RDH14: variants seen among roughly 807,000 people sequenced by gnomAD.
RDH14 encodes the protein retinol dehydrogenase 14, also known as alcohol dehydrogenase PAN2.
Under a neutral mutation model 19.3 loss-of-function variants are expected in RDH14, and 17 were observed. The ratio of observed to expected loss-of-function variants is 0.88; its 90% confidence interval spans 0.60 to 1.32. The LOEUF (loss-of-function observed/expected upper bound fraction) is 1.32, where lower values mean the gene tolerates loss of function less well. RDH14 is among the 40% of genes most tolerant of loss of function. The pLI is 0.00. For missense variants in RDH14, 534 were observed against 449.2 expected, an observed-to-expected ratio of 1.19 and a Z score of -1.71; for synonymous variants, 215 against 188.9, an observed-to-expected ratio of 1.14 and a Z score of -1.13.
chr2:18,555,078 A>C lies in RDH14; in HGVS notation c.*113T>G. 2 of 1,476,508 alleles carry C rather than the reference A, an allele frequency of 1.4e-6. No individual in the cohort carries two copies. Among genetic ancestry groups the C allele is most frequent in the Non-Finnish European group, 1.8e-6 (2 of 1,105,756 alleles). The allele number at this position is 1,476,508 out of a possible 1,614,324, so 91.5% of individuals were successfully genotyped here. On this transcript the variant is annotated 3_prime_UTR_variant, in exon 2 of 2. Transcript: ENST00000381249. ...ACCCACATGTACCTCTTAGCAGGCT[A>C]TTCCAATATCAAAATTCTTTTTCTT...
Position 18,560,423 on chromosome 2 carries a change from C to T in RDH14, c.150G>A (p.Gly50=). 1.3e-6 allele frequency: 2 copies of T among 1,504,612 alleles called. No homozygotes were observed. Among genetic ancestry groups the T allele is most frequent in the Non-Finnish European group, 1.8e-6 (2 of 1,135,702 alleles). 93.2% of individuals were successfully genotyped at this position (1,504,612 alleles called of 1,614,324 possible). A position where few individuals can be genotyped will look rare whatever the true frequency, so the allele number is the denominator to read the frequency against. Residue 50 remains glycine, a synonymous_variant, in exon 1 of 2, where the codon GGG becomes GGA. Coordinates refer to ENST00000381249, the MANE Select transcript of RDH14 (RefSeq NM_020905.4). ...TGGCGCGGCCCAGGCCGCTGTTCGCCCCGGTGATCAGCACAGTCTTCCCGT... is the reference window on the plus strand; with the variant it reads ...TGGCGCGGCCCAGGCCGCTGTTCGCTCCGGTGATCAGCACAGTCTTCCCGT... ...LMHGKTVLIT[G]ANSGLGRATA...
chr2:18,556,230 C>T (rs1328362924), intron 1 of RDH14, among the ~76,000 whole-genome samples: 2 of 152,150 alleles, frequency 1.3e-5, no homozygotes, highest in South Asian at 2.1e-4. Flanking sequence ...AAGTTGACTA[C>T]GTGATCAGTA....
Position 18,560,372 on chromosome 2 carries a change from T to G in RDH14, c.201A>C (p.Gly67=). ...RATAAELLRL[G]ARVIMGCRDR... is the part of the protein sequence containing the mutation. ...CCCGGCAGCCCATGATCACCCGCGC[T>G]CCCAGGCGCAGTAGCTCGGCGGCCG... is the stretch of plus-strand genomic sequence containing the variant. Residue 67 remains glycine, a synonymous_variant, in exon 1 of 2, where the codon GGA becomes GGC. Coordinates refer to ENST00000381249, the MANE Select transcript of RDH14 (RefSeq NM_020905.4). 6.8e-7 allele frequency: 1 copy of G among 1,466,278 alleles called. No homozygotes were observed. The highest frequency in any genetic ancestry group is 2.9e-5 in the East Asian group (1 of 33,966). The allele number at this position is 1,466,278 out of a possible 1,614,324, so 90.8% of individuals were successfully genotyped here. A position where few individuals can be genotyped will look rare whatever the true frequency, so the allele number is the denominator to read the frequency against.
At chr2:18,556,149 A>C (rs971431306) in intron 1 of RDH14, among the ~76,000 whole-genome samples, 2 of 152,200 alleles carry the variant, frequency 1.3e-5, no homozygotes, top group Non-Finnish European at 2.9e-5. Flanking sequence ...TAAATCTAAG[A>C]CTTAATTTCT....
chr2:18,556,535 G>A (rs1040989911), intron 1 of RDH14, among the ~76,000 whole-genome samples: 6 of 152,082 alleles, frequency 3.9e-5, no homozygotes, highest in African/African-American at 1.4e-4. Context: ...TGTGCTTTTC[G>A]CATGTCACCA....
At position 18,560,212 on chromosome 2, in the gene RDH14, A is replaced by T. The variant is rs1408714763; in HGVS notation, c.361T>A (p.Ser121Thr). The T allele has an allele frequency of 1.3e-6, 2 of 1,527,802 alleles. No individual in the cohort carries two copies. The highest frequency in any genetic ancestry group is 1.7e-6 in the Non-Finnish European group (2 of 1,143,938). The allele number at this position is 1,527,802 out of a possible 1,614,324, so 94.6% of individuals were successfully genotyped here. The change falls in exon 1 of 2, where the codon TCG becomes ACG. Residue 121 changes from serine (S) to threonine (T), a missense_variant. Physicochemically the swap from Ser to Thr is moderately conservative, Grantham distance 58. Transcript: ENST00000381249. ...ATTTCCTGGCAGAAGGCGCGCACCG[A>T]GCGCAGCGAGGCGAGGTCCAGCTCC... ...VRELDLASLR[S>T]VRAFCQEMLQ...
Position 18,554,737 on chromosome 2 carries a change from C to T in RDH14, c.*454G>A, listed in dbSNP as rs948019416. ...GAAATGCACAGTTAAGAATTTGTAC[C>T]AGTAAATTTATTCCAAGTAAGACTT... On this transcript the variant is annotated 3_prime_UTR_variant, in exon 2 of 2. Transcript: ENST00000381249. 6.0e-6 allele frequency: 1 copy of T among 166,552 alleles called. No homozygotes were observed. The highest frequency in any genetic ancestry group is 2.4e-5 in the African/African-American group (1 of 41,470). The allele number at this position is 166,552 out of a possible 1,614,324, so 10.3% of individuals were successfully genotyped here. A position where few individuals can be genotyped will look rare whatever the true frequency, so the allele number is the denominator to read the frequency against.
In RDH14 at chr2:18,555,040, G is replaced by GT; in HGVS notation, c.*150dup. The GT allele has an allele frequency of 8.2e-7, 1 of 1,218,150 alleles. No individual in the cohort carries two copies. The allele number at this position is 1,218,150 out of a possible 1,614,324, so 75.5% of individuals were successfully genotyped here. The stretch of plus-strand genomic sequence containing the variant: ...CTCTTATCCCAAAAATAATTTTTCA[G>GT]TAACTCCAAAATACCCACATGTACC... On this transcript the variant is annotated 3_prime_UTR_variant, in exon 2 of 2. Transcript: ENST00000381249.
At chr2:18,556,728 G>A (rs1314457623) in intron 1 of RDH14, among the ~76,000 whole-genome samples, 1 of 152,318 alleles carries the variant, frequency 6.6e-6, no homozygotes, top group Non-Finnish European at 1.5e-5. Flanking sequence ...AACAGCTAGA[G>A]AGGCAATGAA....
chr2:18,560,307 C>G lies in RDH14; in HGVS notation c.266G>C (p.Arg89Pro). Residue 89 changes from arginine to proline, a missense_variant, in exon 1 of 2, where the codon CGC (arginine) becomes CCC (proline). Physicochemically the swap from Arg to Pro is moderately radical, Grantham distance 103 (BLOSUM62 -2). Transcript: ENST00000381249. ...GCACTCCGCGGCCTGGCGGAGCTCG[C>G]GGCGGAGCTGACCCGCCGCCTCCTC... ...RAEEAAGQLR[R>P]ELRQAAECGP... 6.8e-7 allele frequency: 1 copy of G among 1,465,100 alleles called. No individual in the cohort carries two copies. The allele number at this position is 1,465,100 out of a possible 1,614,324, so 90.8% of individuals were successfully genotyped here. A position where few individuals can be genotyped will look rare whatever the true frequency, so the allele number is the denominator to read the frequency against.
intron 1 of RDH14, 36 bp from the exon 2 acceptor site, chr2:18,555,844 A>G: frequency 6.4e-7 from 1 of 1,563,096 alleles, no homozygotes; most frequent in Non-Finnish European, 8.7e-7. Flanking sequence ...AGAATTATTA[A>G]GAACACACGC....
chr2:18,558,804 A>G (rs999142563), intron 1 of RDH14, among the ~76,000 whole-genome samples: 1 of 152,210 alleles, frequency 6.6e-6, no homozygotes, highest in African/African-American at 2.4e-5. Flanking sequence ...GTAAAAGGCT[A>G]ATCAAAGACC....
At chr2:18,556,385 A>G (rs971803166) in intron 1 of RDH14, among the ~76,000 whole-genome samples, 2 of 152,226 alleles carry the variant, frequency 1.3e-5, no homozygotes, top group African/African-American at 4.8e-5. Flanking sequence ...TATCAAAATT[A>G]TAAGTGTACC....
intron 1 of RDH14, among the ~76,000 whole-genome samples, chr2:18,556,980 G>T (rs1414178859): frequency 6.6e-6 from 1 of 151,988 alleles, no homozygotes; most frequent in Non-Finnish European, 1.5e-5. Flanking sequence ...GATTCATAAA[G>T]AATAATCAAA....
Position 18,555,047 on chromosome 2 carries a change from C to T in RDH14, c.*144G>A. 1 of 1,309,190 alleles carries T rather than the reference C, an allele frequency of 7.6e-7. No homozygotes were observed. The highest frequency in any genetic ancestry group is 1.0e-6 in the Non-Finnish European group (1 of 979,884). 81.1% of individuals were successfully genotyped at this position (1,309,190 alleles called of 1,614,324 possible). The stretch of plus-strand genomic sequence containing the variant: ...CCCAAAAATAATTTTTCAGTAACTC[C>T]AAAATACCCACATGTACCTCTTAGC... On this transcript the variant is annotated 3_prime_UTR_variant, in exon 2 of 2. Coordinates refer to ENST00000381249, the MANE Select transcript of RDH14 (RefSeq NM_020905.4).
Position 18,560,195 on chromosome 2 carries a change from G to A in RDH14, c.378C>T (p.Cys126=). Residue 126 remains cysteine (C), a synonymous_variant, in exon 1 of 2, where the codon TGC becomes TGT. Coordinates refer to ENST00000381249, the MANE Select transcript of RDH14 (RefSeq NM_020905.4). The part of the protein sequence containing the change: ...LASLRSVRAF[C]QEMLQEEPRL... ...AGGCCCACACCTGGAGCATTTCCTG[G>A]CAGAAGGCGCGCACCGAGCGCAGCG... The A allele has an allele frequency of 4.6e-6, 7 of 1,528,132 alleles. No homozygotes were observed. The highest frequency in any genetic ancestry group is 6.1e-6 in the Non-Finnish European group (7 of 1,144,082). The allele number at this position is 1,528,132 out of a possible 1,614,324, so 94.7% of individuals were successfully genotyped here.
rs1166636191 is a variant in RDH14, at chr2:18,560,163, C to A, written c.393+17G>T. 2.0e-6 allele frequency: 3 copies of A among 1,520,088 alleles called. No homozygotes were observed. The highest frequency in any genetic ancestry group is 1.4e-5 in the African/African-American group (1 of 71,006). The allele number at this position is 1,520,088 out of a possible 1,614,324, so 94.2% of individuals were successfully genotyped here. On this transcript the variant is annotated intron_variant, in intron 1 of 1. Transcript: ENST00000381249. Reference sequence around the variant, plus strand: ...GCCCAGGCCCTCCCCACCAGCCCGGCCCCCCGAGGCCCACACCTGGAGCAT... The same window carrying A: ...GCCCAGGCCCTCCCCACCAGCCCGGACCCCCGAGGCCCACACCTGGAGCAT...
In RDH14 at chr2:18,555,204, C is replaced by G; in HGVS notation, c.998G>C (p.Gly333Ala). The change falls in exon 2 of 2, where the codon GGC becomes GCC. Residue 333 changes from glycine (G) to alanine (A), a missense_variant. Gly to Ala is a moderately conservative substitution (Grantham distance 60). Transcript: ENST00000381249. ...TACTCCTTGTTCCTATTTTAGCAGG[C>G]CAACCATCACTTCACTGATATCCCA... ...KLWDISEVMV[G>A]LLK is the part of the protein sequence containing the mutation. 6.2e-7 allele frequency: 1 copy of G among 1,613,386 alleles called. No homozygotes were observed. Among genetic ancestry groups the G allele is most frequent in the Non-Finnish European group, 8.5e-7 (1 of 1,179,462 alleles).
chr2:18,560,240 G>T lies in RDH14; in HGVS notation c.333C>A (p.Val111=). 1 of 1,525,140 alleles carries T rather than the reference G, an allele frequency of 6.6e-7. No homozygotes were observed. The highest frequency in any genetic ancestry group is 1.4e-5 in the African/African-American group (1 of 71,488). 94.5% of individuals were successfully genotyped at this position (1,525,140 alleles called of 1,614,324 possible). Residue 111 remains valine, a synonymous_variant, in exon 1 of 2, where the codon GTC becomes GTA. Transcript: ENST00000381249. ...GCAGCGAGGCGAGGTCCAGCTCCCGGACTATGAGCTCGCCCACCCCGCTGA... is the reference window on the plus strand; with the variant it reads ...GCAGCGAGGCGAGGTCCAGCTCCCGTACTATGAGCTCGCCCACCCCGCTGA... ...PGVSGVGELI[V]RELDLASLRS...
Sources: allele counts gnomAD v4.1 joint callset (sites outside exome capture counted in the v4.1 genomes callset), GRCh38; gene constraint gnomAD v4.1.1; transcripts MANE v1.5; gene names NCBI Gene and HGNC (gene_info 2026-07-23, HGNC 2026-07-21).